RHOQ: variants seen among roughly 807,000 people sequenced by gnomAD.
The protein encoded by RHOQ is ras homolog family member Q, also known as rho-related GTP-binding protein RhoQ.
In RHOQ, 7 loss-of-function variants were observed where a neutral mutation model predicts 25.8. The observed-to-expected ratio is 0.27, with a 90% CI of 0.15 to 0.51. The LOEUF is 0.51. RHOQ is among the 20% of genes least tolerant of loss of function. The pLI is 0.97. For missense variants in RHOQ, 165 were observed against 260.6 expected (o/e 0.63, Z 2.53); for synonymous variants, 97 against 98.6 (o/e 0.98, Z 0.10).
intron 2 of RHOQ, among the ~76,000 whole-genome samples, chr2:46,551,749 G>C (rs1416368738): frequency 6.6e-6 from 1 of 152,194 alleles, no homozygotes; most frequent in African/African-American, 2.4e-5. Flanking sequence ...AGATTTTCCT[G>C]CTCTACTCAG....
In RHOQ at chr2:46,552,260, T is replaced by C. The variant is rs531234829; in HGVS notation, c.201+8448T>C. On this transcript the variant is annotated intron_variant, in intron 2 of 4. Coordinates refer to ENST00000238738, the MANE Select transcript of RHOQ (RefSeq NM_012249.4). This position sits in a 1 kb window ranked among gnomAD's most constrained non-coding sequence, Gnocchi z 5.0. ...TTTGTCCCTAAACCACCATGCTTCC[T>C]CAAAAAGGAGCAGGCCCGAGGTGGC... Among the ~76,000 whole-genome samples, 22 of 152,296 alleles carry C rather than the reference T, an allele frequency of 1.4e-4. No individual in the cohort carries two copies. Among genetic ancestry groups the C allele is most frequent in the Middle Eastern group, 3.4e-3 (1 of 294 alleles).
In RHOQ at chr2:46,566,145, A is replaced by G. The variant is rs145478420; in HGVS notation, c.202-9942A>G. 2.8e-4 allele frequency among the ~76,000 whole-genome samples: 42 copies of G among 152,282 alleles called. No individual in the cohort carries two copies. The highest frequency in any genetic ancestry group is 9.4e-4 in the African/African-American group (39 of 41,558). On this transcript the variant is annotated intron_variant, in intron 2 of 4. Coordinates refer to ENST00000238738, the MANE Select transcript of RHOQ (RefSeq NM_012249.4). The surrounding 1 kb of genome is among the most constrained non-coding windows in gnomAD (Gnocchi z 4.2). ...GTTTCTGGCTTGTGCACCCTGATTG[A>G]GTGGTGATATCTTCTAGTGAGATGG...
At position 46,576,712 on chromosome 2, in the gene RHOQ, T is replaced by G; in HGVS notation, c.462+56T>G. 2 of 1,186,766 alleles carry G rather than the reference T, an allele frequency of 1.7e-6. No homozygotes were observed. The highest frequency in any genetic ancestry group is 2.5e-6 in the Non-Finnish European group (2 of 812,522). 73.5% of individuals were successfully genotyped at this position (1,186,766 alleles called of 1,614,324 possible). A position where few individuals can be genotyped will look rare whatever the true frequency, so the allele number is the denominator to read the frequency against. On this transcript the variant is annotated intron_variant, in intron 4 of 4. Transcript: ENST00000238738. This position sits in a 1 kb window ranked among gnomAD's most constrained non-coding sequence, Gnocchi z 5.1. ...AATGTAAAAGATGCTAAGATAACAA[T>G]AGAAGCTAATTTTATTGTGTATTTA... is the stretch of plus-strand genomic sequence containing the variant.
chr2:46,547,090 A>C (rs1668093791), intron 2 of RHOQ, among the ~76,000 whole-genome samples: 1 of 152,216 alleles, frequency 6.6e-6, no homozygotes, highest in South Asian at 2.1e-4. Context: ...AATTTGACAG[A>C]CAAGTAGGGT....
chr2:46,545,023 C>A (rs116006802), intron 2 of RHOQ, among the ~76,000 whole-genome samples: 127 of 152,278 alleles, frequency 8.3e-4, no homozygotes, highest in African/African-American at 2.8e-3. Context: ...GGGGGAGTGC[C>A]TTGATGTGAC....
At chr2:46,563,110 A>T (rs1668622856) in intron 2 of RHOQ, among the ~76,000 whole-genome samples, 1 of 152,058 alleles carries the variant, frequency 6.6e-6, no homozygotes, top group African/African-American at 2.4e-5. Flanking sequence ...CCAGGGCCAC[A>T]CAGCTAGGAA....
Position 46,544,838 on chromosome 2 carries a change from T to C in RHOQ, c.201+1026T>C, listed in dbSNP as rs188275846. On this transcript the variant is annotated intron_variant, in intron 2 of 4. Coordinates refer to ENST00000238738, the MANE Select transcript of RHOQ (RefSeq NM_012249.4). ...GAATTTCCTTATCTGCAAAATGGGG[T>C]TTAAAAAAATAAGATGATCCCCTGG... 1.1e-4 allele frequency among the ~76,000 whole-genome samples: 16 copies of C among 152,182 alleles called. No homozygotes were observed. In the East Asian group the frequency reaches 3.1e-3, roughly 29 times the overall value.
chr2:46,546,468 A>ATGTG (rs1558680315), intron 2 of RHOQ, among the ~76,000 whole-genome samples: 1 of 6,590 alleles, frequency 1.5e-4, no homozygotes, highest in African/African-American at 4.7e-4. Flanking sequence ...ATATATATAT[A>ATGTG]TATATGTGTA....
chr2:46,555,151 C>G lies in RHOQ; in HGVS notation c.201+11339C>G, dbSNP rs533264968. On this transcript the variant is annotated intron_variant, in intron 2 of 4. Transcript: ENST00000238738. This position sits in a 1 kb window ranked among gnomAD's most constrained non-coding sequence, Gnocchi z 4.3. ...GAGAGCTTTGGGTATTCATCCACTGCAGAAAGTGAGAAGTCCAACTGAGGC... is the reference window on the plus strand; with the variant it reads ...GAGAGCTTTGGGTATTCATCCACTGGAGAAAGTGAGAAGTCCAACTGAGGC... Among the ~76,000 whole-genome samples, 6 of 152,356 alleles carry G rather than the reference C, an allele frequency of 3.9e-5. No individual in the cohort carries two copies. The South Asian group carries it at 1.2e-3, about 32-fold the overall frequency.
Position 46,581,055 on chromosome 2 carries a change from G to C in RHOQ, c.590G>C (p.Arg197Thr), listed in dbSNP as rs750352612. The change falls in exon 5 of 5, where the codon AGA (arginine) becomes ACA (threonine). Residue 197 changes from arginine (R) to threonine (T), a missense_variant. Coordinates refer to ENST00000238738, the MANE Select transcript of RHOQ (RefSeq NM_012249.4). Reference protein sequence around the residue: ...KHTVKKRIGSRCINCCLIT With the variant: ...KHTVKKRIGSTCINCCLIT ...ACTGTAAAAAAAAGAATAGGATCAAGATGTATAAACTGTTGTTTAATTACG... is the reference window on the plus strand; with the variant it reads ...ACTGTAAAAAAAAGAATAGGATCAACATGTATAAACTGTTGTTTAATTACG... 2 of 1,570,874 alleles carry C rather than the reference G, an allele frequency of 1.3e-6. No homozygotes were observed. Among genetic ancestry groups the C allele is most frequent in the Non-Finnish European group, 1.7e-6 (2 of 1,164,546 alleles).
Position 46,581,807 on chromosome 2 carries a change from G to A in RHOQ, c.*724G>A. 1.8e-6 allele frequency: 1 copy of A among 549,622 alleles called. No individual in the cohort carries two copies. Among genetic ancestry groups the A allele is most frequent in the Non-Finnish European group, 2.8e-6 (1 of 362,514 alleles). The allele number at this position is 549,622 out of a possible 1,614,324, so 34.0% of individuals were successfully genotyped here. A position where few individuals can be genotyped will look rare whatever the true frequency, so the allele number is the denominator to read the frequency against. On this transcript the variant is annotated 3_prime_UTR_variant, in exon 5 of 5. Coordinates refer to ENST00000238738, the MANE Select transcript of RHOQ (RefSeq NM_012249.4). The stretch of plus-strand genomic sequence containing the variant: ...TGTAACAAGGCTTCTGGCAATTGTA[G>A]ATTTAGTTTGACGCTCCCCAAAGTG...
In RHOQ at chr2:46,569,771, A is replaced by G. The variant is rs1395645969; in HGVS notation, c.202-6316A>G. On this transcript the variant is annotated intron_variant, in intron 2 of 4. Coordinates refer to ENST00000238738, the MANE Select transcript of RHOQ (RefSeq NM_012249.4). This position sits in a 1 kb window ranked among gnomAD's most constrained non-coding sequence, Gnocchi z 4.1. ...TTCAAGAATTCTTTTACTAAGCGCT[A>G]ATCAGGCCAGTGACATATAAATACC... Among the ~76,000 whole-genome samples the G allele has an allele frequency of 1.3e-5, 2 of 152,218 alleles. No individual in the cohort carries two copies. The highest frequency in any genetic ancestry group is 2.9e-5 in the Non-Finnish European group (2 of 68,044).
At chr2:46,543,443 G>T (rs909615286) in intron 1 of RHOQ, 28 of 597,568 alleles carry the variant, frequency 4.7e-5, no homozygotes, top group Middle Eastern at 8.7e-4. Flanking sequence ...GCCCTGGGCC[G>T]TCCTCCTTGA....
rs1259442556 is a variant in RHOQ at position 46,584,385 on chromosome 2, G to T, written c.*3302G>T. On this transcript the variant is annotated 3_prime_UTR_variant, in exon 5 of 5. Coordinates refer to ENST00000238738, the MANE Select transcript of RHOQ (RefSeq NM_012249.4). The stretch of plus-strand genomic sequence containing the variant: ...CTGTTAAAAAAAGCTCACTGTTAAA[G>T]TATAGGGAGAATAGTAATCCCTCAT... Among the ~76,000 whole-genome samples, 1 of 152,150 alleles carries T rather than the reference G, an allele frequency of 6.6e-6. No homozygotes were observed. The highest frequency in any genetic ancestry group is 1.5e-5 in the Non-Finnish European group (1 of 68,006).
chr2:46,560,008 C>T (rs540353676), intron 2 of RHOQ, among the ~76,000 whole-genome samples: 2 of 152,296 alleles, frequency 1.3e-5, no homozygotes, highest in African/African-American at 4.8e-5. Context: ...ATCTGCCTTT[C>T]ACCAGGATTG....
At chr2:46,571,217 T>G (rs556817429) in intron 2 of RHOQ, among the ~76,000 whole-genome samples, 1 of 152,338 alleles carries the variant, frequency 6.6e-6, no homozygotes, top group East Asian at 1.9e-4. Flanking sequence ...CACATACATC[T>G]TATCTACCTT....
intron 2 of RHOQ, among the ~76,000 whole-genome samples, chr2:46,560,097 G>A (rs531520196): frequency 3.3e-5 from 5 of 152,282 alleles, no homozygotes; most frequent in Non-Finnish European, 5.9e-5. Flanking sequence ...GTGGCTCCGC[G>A]TTCAGTCCAG....
chr2:46,564,480 C>T (rs1400771916), intron 2 of RHOQ, among the ~76,000 whole-genome samples: 4 of 152,206 alleles, frequency 2.6e-5, no homozygotes, highest in African/African-American at 7.2e-5. Context: ...TGAGGGCATC[C>T]TGATTTCGCC....
At chr2:46,560,226 G>T (rs935423066) in intron 2 of RHOQ, among the ~76,000 whole-genome samples, 1 of 152,188 alleles carries the variant, frequency 6.6e-6, no homozygotes, top group Non-Finnish European at 1.5e-5. Context: ...CCGTGGGCCT[G>T]TTAAGTAAGT....
Sources: gnomAD v4.1 joint callset for allele counts (sites outside exome capture counted in the v4.1 genomes callset) on GRCh38, gnomAD v4.1.1 for gene constraint, Gnocchi (gnomAD v3.1) non-coding constraint, MANE v1.5 for transcripts, NCBI Gene and HGNC (gene_info 2026-07-23, HGNC 2026-07-21) for gene names.